FOXN3: variants seen among roughly 807,000 people sequenced by gnomAD.
FOXN3 encodes forkhead box N3, also known as forkhead box protein N3.
FOXN3 carries 7 observed loss-of-function variants against 38.4 expected under a neutral mutation model. The ratio of observed to expected loss-of-function variants is 0.18; its 90% CI spans 0.10 to 0.34. The LOEUF is 0.34. Among genes scored for constraint, FOXN3 ranks in the 10% least tolerant of loss-of-function variants. FOXN3 has a pLI of 1.00. For synonymous variants in FOXN3, 230 were observed against 242.2 expected, an observed-to-expected ratio of 0.95 and a Z score of 0.47; for missense variants, 456 against 613.4, an observed-to-expected ratio of 0.74 and a Z score of 2.71.
intron 1 of FOXN3, among the ~76,000 whole-genome samples, chr14:89,462,430 T>C (rs1296278288): frequency 6.6e-6 from 1 of 152,236 alleles, no homozygotes; most frequent in East Asian, 1.9e-4. Flanking sequence ...TAGGAAACAC[T>C]TAGAGTGTAG....
rs971973078 is a variant in FOXN3, at chr14:89,313,533, G to A, written c.681-32519C>T. Among the ~76,000 whole-genome samples the A allele has an allele frequency of 7.2e-5, 11 of 151,834 alleles. No homozygotes were observed. The South Asian group carries it at 2.1e-3, about 29-fold the overall frequency. On this transcript the variant is annotated intron_variant, in intron 3 of 5. Transcript: ENST00000557258. ...AGATCATGGCACTGCATCCAGCCTG[G>A]GCAACAGAGCAAGATGCTGTCTTAA...
At chr14:89,429,176 T>C (rs903885888) in intron 1 of FOXN3, among the ~76,000 whole-genome samples, 4 of 152,222 alleles carry the variant, frequency 2.6e-5, no homozygotes, top group African/African-American at 9.6e-5. Flanking sequence ...AAAGTCATGC[T>C]GTCAACCCCT....
intron 3 of FOXN3, among the ~76,000 whole-genome samples, chr14:89,329,163 C>T (rs1301615624): frequency 6.6e-6 from 1 of 152,124 alleles, no homozygotes; most frequent in Non-Finnish European, 1.5e-5. Context: ...ATATAGCACC[C>T]CTCACGGAAC....
chr14:89,367,507 C>T (rs779879525), intron 2 of FOXN3, among the ~76,000 whole-genome samples: 28 of 152,114 alleles, frequency 1.8e-4, no homozygotes, highest in African/African-American at 2.4e-5. Flanking sequence ...ACAAAGCACC[C>T]GGGAACCAGA....
chr14:89,247,213 T>C (rs541825986), intron 4 of FOXN3, among the ~76,000 whole-genome samples: 1 of 152,304 alleles, frequency 6.6e-6, no homozygotes, highest in African/African-American at 2.4e-5. Context: ...TTTCTGTAAA[T>C]TGCAAAGTGT....
Position 89,360,765 on chromosome 14 carries a change from ACTACCACCTCCACCACCACCT to A in FOXN3, c.544-9978_544-9958del, listed in dbSNP as rs1566966437. 8.2e-4 allele frequency among the ~76,000 whole-genome samples: 54 copies of A among 65,872 alleles called. 2 individuals carry two copies. Among genetic ancestry groups the A allele is most frequent in the Middle Eastern group, 7.1e-3 (1 of 140 alleles). The allele number at this position is 65,872 out of a possible 152,430, so 43.2% of individuals were successfully genotyped here. On this transcript the variant is annotated intron_variant, in intron 2 of 5. Transcript: ENST00000557258. ...CACCACCTCCACCACCACCTCCACCACTACCACCTCCACCACCACCTCCACCACCACCACCTCCAGCACCAC... is the reference window on the plus strand; with the variant it reads ...CACCACCTCCACCACCACCTCCACCACCACCACCACCACCTCCAGCACCAC...
intron 1 of FOXN3, among the ~76,000 whole-genome samples, chr14:89,596,702 G>A (rs1044098455): frequency 2.0e-5 from 3 of 152,142 alleles, no homozygotes; most frequent in African/African-American, 7.2e-5. Flanking sequence ...TATTCATGAG[G>A]AGACATAGAG....
At chr14:89,602,287 T>TAAAAAAA (rs1327738063) in intron 1 of FOXN3, among the ~76,000 whole-genome samples, 1 of 145,298 alleles carries the variant, frequency 6.9e-6, no homozygotes, top group African/African-American at 2.7e-5. Flanking sequence ...AGACTTTGTG[T>TAAAAAAA]CAAAAAAAAA....
At chr14:89,238,308 T>C (rs114729976) in intron 4 of FOXN3, among the ~76,000 whole-genome samples, 33 of 152,318 alleles carry the variant, frequency 2.2e-4, no homozygotes, top group African/African-American at 7.2e-4. Context: ...TCCCACTCTG[T>C]TTCTTGACTG....
chr14:89,158,562 A>C lies in FOXN3; in HGVS notation c.*3852T>G, dbSNP rs1235082286. 1 of 152,528 alleles carries C rather than the reference A, an allele frequency of 6.6e-6. No homozygotes were observed. Among genetic ancestry groups the C allele is most frequent in the East Asian group, 1.9e-4 (1 of 5,196 alleles). 9.4% of individuals were successfully genotyped at this position (152,528 alleles called of 1,614,324 possible). A position where few individuals can be genotyped will look rare whatever the true frequency, so the allele number is the denominator to read the frequency against. Reference sequence around the variant, plus strand: ...TTCAGATAGATGGCTTCACCAAAGAACTCTTGAAAGAATACTGATTAGGGA... The same window carrying C: ...TTCAGATAGATGGCTTCACCAAAGACCTCTTGAAAGAATACTGATTAGGGA... On this transcript the variant is annotated 3_prime_UTR_variant, in exon 6 of 6. Coordinates refer to ENST00000557258, the MANE Select transcript of FOXN3 (RefSeq NM_005197.4).
At chr14:89,242,447 T>C (rs538096524) in intron 4 of FOXN3, among the ~76,000 whole-genome samples, 35 of 152,280 alleles carry the variant, frequency 2.3e-4, no homozygotes, top group African/African-American at 7.5e-4. Context: ...GGTGGCACTT[T>C]CCATTCTGAG....
intron 2 of FOXN3, among the ~76,000 whole-genome samples, chr14:89,389,909 T>C (rs772205993): frequency 6.6e-6 from 1 of 151,940 alleles, no homozygotes; most frequent in South Asian, 2.1e-4. Context: ...TCCTTGTTTT[T>C]CACTTTTATA....
At position 89,362,758 on chromosome 14, in the gene FOXN3, A is replaced by T. The variant is rs544325117; in HGVS notation, c.544-11950T>A. ...CTCCACCACCATCTCCACCACCACC[A>T]CCACCACCACCACCACCACCACCAC... On this transcript the variant is annotated intron_variant, in intron 2 of 5. Coordinates refer to ENST00000557258, the MANE Select transcript of FOXN3 (RefSeq NM_005197.4). 1.7e-3 allele frequency among the ~76,000 whole-genome samples: 95 copies of T among 57,102 alleles called. 1 individual carries two copies. The highest frequency in any genetic ancestry group is 2.6e-3 in the Non-Finnish European group (67 of 25,978). 37.5% of individuals were successfully genotyped at this position (57,102 alleles called of 152,430 possible).
chr14:89,608,492 CA>C (rs1404214733), intron 1 of FOXN3, among the ~76,000 whole-genome samples: 4 of 152,222 alleles, frequency 2.6e-5, no homozygotes, highest in African/African-American at 9.6e-5. Flanking sequence ...AGCATACATA[CA>C]TATATGTGGT....
intron 1 of FOXN3, among the ~76,000 whole-genome samples, chr14:89,575,683 T>A (rs999936007): frequency 6.6e-6 from 1 of 152,186 alleles, no homozygotes; most frequent in Non-Finnish European, 1.5e-5. Flanking sequence ...TCTCGTGGCA[T>A]CTCTTGAATC....
chr14:89,323,262 T>A (rs1208859405), intron 3 of FOXN3, among the ~76,000 whole-genome samples: 1 of 129,190 alleles, frequency 7.7e-6, no homozygotes, highest in Non-Finnish European at 1.6e-5. Flanking sequence ...TACTCCAGCA[T>A]GGGCGACAGA....
intron 1 of FOXN3, among the ~76,000 whole-genome samples, chr14:89,435,080 C>T (rs1013136315): frequency 4.6e-5 from 7 of 152,120 alleles, no homozygotes; most frequent in Admixed American, 1.3e-4. Flanking sequence ...GGGTAAAACT[C>T]TCTTACTAAG....
chr14:89,600,898 C>T (rs1051258242), intron 1 of FOXN3, among the ~76,000 whole-genome samples: 1 of 152,196 alleles, frequency 6.6e-6, no homozygotes, highest in Non-Finnish European at 1.5e-5. Flanking sequence ...GCACCATATT[C>T]CCTTTTCTAT....
chr14:89,375,770 T>C (rs913572372), intron 2 of FOXN3, among the ~76,000 whole-genome samples: 1 of 152,146 alleles, frequency 6.6e-6, no homozygotes, highest in African/African-American at 2.4e-5. Flanking sequence ...TTTATCTTAT[T>C]TTATTTTATT....
Sources: allele counts gnomAD v4.1 joint callset (sites outside exome capture counted in the v4.1 genomes callset), GRCh38; gene constraint gnomAD v4.1.1; transcripts MANE v1.5; gene names NCBI Gene and HGNC (gene_info 2026-07-23, HGNC 2026-07-21).